Variants in CNTRL observed in about 807,000 individuals in gnomAD.
CNTRL encodes centriolin.
Under a neutral mutation model 303.7 loss-of-function variants are expected in CNTRL, and 233 were observed. The observed-to-expected ratio is 0.77, with a 90% CI of 0.69 to 0.86. The LOEUF is 0.86. Among genes scored for constraint, CNTRL ranks in the 40% least tolerant of loss-of-function variants. The pLI is 0.00. For missense variants in CNTRL, 2,524 were observed against 2,650.6 expected, an observed-to-expected ratio of 0.95 and a Z score of 1.05; for synonymous variants, 900 against 922.2, an observed-to-expected ratio of 0.98 and a Z score of 0.44.
At chr9:121,138,750 A>G in intron 16 of CNTRL, 71 bp downstream of exon 16, 1 of 1,527,264 alleles carries the variant, frequency 6.5e-7, no homozygotes, top group Admixed American at 1.8e-5. Context: ...TTAGTCAGGC[A>G]CTTAGCAACC....
At position 121,112,514 on chromosome 9, in the gene CNTRL, A is replaced by G. The variant is rs1806406583; in HGVS notation, c.1058A>G (p.Glu353Gly). 17 of 1,612,904 alleles carry G rather than the reference A, an allele frequency of 1.1e-5. No homozygotes were observed. The highest frequency in any genetic ancestry group is 1.4e-5 in the Non-Finnish European group (17 of 1,179,052). ...TRACQKQYEL[E>G]QELAFYKIDA... ...GCATGTCAGAAGCAATATGAGCTGG[A>G]ACAGGAATTGGCCTTTTATAAAATT... The change falls in exon 9 of 44, where the codon GAA becomes GGA. Residue 353 changes from glutamate (E) to glycine (G), a missense_variant. Glu to Gly is a moderately conservative substitution (Grantham distance 98). Coordinates refer to ENST00000373855, the MANE Select transcript of CNTRL (RefSeq NM_007018.6).
In CNTRL at chr9:121,144,013, C is replaced by A. The variant is rs768797672; in HGVS notation, c.2982C>A (p.Leu994=). The part of the protein sequence containing the change: ...ATSDKLATAE[L]TIAKDQLKSL... ...CTGATAAGCTAGCCACAGCTGAGCT[C>A]ACCATTGCCAAAGACCAGCTGAAGT... is the stretch of plus-strand genomic sequence containing the variant. The change falls in exon 20 of 44, where the codon CTC becomes CTA. Residue 994 remains leucine, a synonymous_variant. Transcript: ENST00000373855. 2 of 1,613,874 alleles carry A rather than the reference C, an allele frequency of 1.2e-6. No individual in the cohort carries two copies. Among genetic ancestry groups the A allele is most frequent in the Admixed American group, 3.3e-5 (2 of 59,986 alleles).
intron 16 of CNTRL, among the ~76,000 whole-genome samples, chr9:121,139,641 T>A (rs1417160941): frequency 6.6e-6 from 1 of 152,226 alleles, no homozygotes; most frequent in Non-Finnish European, 1.5e-5. Flanking sequence ...GGGTCTTACT[T>A]GAGTTATCAT....
intron 7 of CNTRL, among the ~76,000 whole-genome samples, chr9:121,101,580 A>G (rs1336634792): frequency 6.6e-6 from 1 of 152,246 alleles, no homozygotes; most frequent in Non-Finnish European, 1.5e-5. Context: ...TAGAGCCACA[A>G]AAAACCCTTC....
intron 23 of CNTRL, among the ~76,000 whole-genome samples, chr9:121,146,602 A>G (rs779456623): frequency 3.9e-5 from 6 of 152,212 alleles, no homozygotes; most frequent in Non-Finnish European, 7.3e-5. Context: ...CTTTTAACGA[A>G]CATTCATTCA....
intron 1 of CNTRL, among the ~76,000 whole-genome samples, chr9:121,079,973 T>C (rs572300516): frequency 6.6e-6 from 1 of 152,256 alleles, no homozygotes; most frequent in African/African-American, 2.4e-5. Context: ...AAGTGATTTT[T>C]GTTCCTCAAC....
In CNTRL at chr9:121,096,429, G is replaced by A. The variant is rs776657382; in HGVS notation, c.487G>A (p.Glu163Lys). 1.2e-5 allele frequency: 19 copies of A among 1,523,588 alleles called. No homozygotes were observed. The highest frequency in any genetic ancestry group is 1.7e-5 in the Non-Finnish European group (19 of 1,131,846). 94.4% of individuals were successfully genotyped at this position (1,523,588 alleles called of 1,614,324 possible). Residue 163 changes from glutamate (E) to lysine (K), a missense_variant, in exon 6 of 44, where the codon GAA (glutamate) becomes AAA (lysine). Glu to Lys is a moderately conservative substitution (Grantham distance 56). Coordinates refer to ENST00000373855, the MANE Select transcript of CNTRL (RefSeq NM_007018.6). ...TTATCCTTTGCTTTCCAGCAAAATT[G>A]AAGGCATAGAAAATATGTGTAATCT... is the stretch of plus-strand genomic sequence containing the variant. ...NLSYNKISKI[E>K]GIENMCNLQK...
chr9:121,095,622 G>T (rs2048856469), intron 5 of CNTRL, among the ~76,000 whole-genome samples: 1 of 151,936 alleles, frequency 6.6e-6, no homozygotes, highest in African/African-American at 2.4e-5. Context: ...AAATATGATG[G>T]CCAAGAAAAT....
chr9:121,160,180 AAGG>A lies in CNTRL; in HGVS notation c.4970_4972del (p.Gly1657del). 1 of 1,531,270 alleles carries A rather than the reference AAGG, an allele frequency of 6.5e-7. No homozygotes were observed. Among genetic ancestry groups the A allele is most frequent in the Non-Finnish European group, 8.7e-7 (1 of 1,146,858 alleles). The allele number at this position is 1,531,270 out of a possible 1,614,324, so 94.9% of individuals were successfully genotyped here. On this transcript the variant is annotated inframe_deletion, in exon 32 of 44. Coordinates refer to ENST00000373855, the MANE Select transcript of CNTRL (RefSeq NM_007018.6). ...CTTCTGGAAGAACTGAGTTTTCAGA[AAGG>A]AGAACTAAATGTTCAGATTAGTGAA...
Position 121,123,961 on chromosome 9 carries a change from GAAC to G in CNTRL, c.1686_1688del (p.Gln563del). 6.2e-7 allele frequency: 1 copy of G among 1,608,216 alleles called. No homozygotes were observed. The highest frequency in any genetic ancestry group is 8.5e-7 in the Non-Finnish European group (1 of 1,177,834). ...TATGAAGGCTCAAAAGAGCGGTAAA[GAAC>G]AACAGCTTGACATTATGAACAAGCA... On this transcript the variant is annotated inframe_deletion, in exon 13 of 44. Transcript: ENST00000373855.
At position 121,121,851 on chromosome 9, in the gene CNTRL, G is replaced by A. The variant is rs572873844; in HGVS notation, c.1651-2080G>A. ...CTTGCAAAAATGTGGCTGTCAGAGAGGGAAGTGCACATGAATTTGAAGACA... is the reference window on the plus strand; with the variant it reads ...CTTGCAAAAATGTGGCTGTCAGAGAAGGAAGTGCACATGAATTTGAAGACA... On this transcript the variant is annotated intron_variant, in intron 12 of 43. Transcript: ENST00000373855. 8.1e-6 allele frequency: 8 copies of A among 985,374 alleles called. No individual in the cohort carries two copies. In the East Asian group the frequency reaches 7.9e-4, roughly 98 times the overall value. The allele number at this position is 985,374 out of a possible 1,614,324, so 61.0% of individuals were successfully genotyped here.
Position 121,140,640 on chromosome 9 carries a change from G to A in CNTRL, c.2338-1G>A, listed in dbSNP as rs764499216. ...AATCCCTATTTCATCCCCCTCCATA[G>A]GATGACAATAATCTGTTAAAACAGC... On this transcript the variant is annotated splice_acceptor_variant, in intron 16 of 43. Coordinates refer to ENST00000373855, the MANE Select transcript of CNTRL (RefSeq NM_007018.6). LOFTEE classifies it high-confidence loss of function. 9 of 1,604,962 alleles carry A rather than the reference G, an allele frequency of 5.6e-6. No individual in the cohort carries two copies. The highest frequency in any genetic ancestry group is 7.7e-6 in the Non-Finnish European group (9 of 1,174,668).
intron 37 of CNTRL, 117 bp from the exon 38 acceptor site, chr9:121,167,979 T>C: frequency 1.1e-6 from 1 of 874,912 alleles, no homozygotes; most frequent in Non-Finnish European, 1.7e-6. Context: ...TGTAATGGAA[T>C]TGTCCCTGTG....
chr9:121,111,333 T>A (rs2049738168), intron 8 of CNTRL: 1 of 152,176 alleles, frequency 6.6e-6, no homozygotes, highest in Admixed American at 6.5e-5. Context: ...TTGTGAAGAT[T>A]TAGTGCAATA....
intron 28 of CNTRL, 26 bp downstream of exon 28, chr9:121,157,626 T>A: frequency 6.2e-7 from 1 of 1,610,262 alleles, no homozygotes; most frequent in Non-Finnish European, 8.5e-7. Context: ...AAGCCGTTGA[T>A]GTATACATTG....
At position 121,139,127 on chromosome 9, in the gene CNTRL, C is replaced by T. The variant is rs149708702; in HGVS notation, c.2337+448C>T. ...TAAATAGTTTTCACTACCCTCTTCTCGGAAAGGATGCTATTAAAAATGTCA... is the reference window on the plus strand; with the variant it reads ...TAAATAGTTTTCACTACCCTCTTCTTGGAAAGGATGCTATTAAAAATGTCA... On this transcript the variant is annotated intron_variant, in intron 16 of 43. Coordinates refer to ENST00000373855, the MANE Select transcript of CNTRL (RefSeq NM_007018.6). 2.4e-4 allele frequency among the ~76,000 whole-genome samples: 36 copies of T among 152,180 alleles called. No individual in the cohort carries two copies. The East Asian group carries it at 2.9e-3, about 12-fold the overall frequency.
At chr9:121,087,589 G>A (rs1310875031) in intron 2 of CNTRL, among the ~76,000 whole-genome samples, 1 of 152,096 alleles carries the variant, frequency 6.6e-6, no homozygotes, top group Non-Finnish European at 1.5e-5. Flanking sequence ...TGCTCGGGAG[G>A]TCGAGGCAGA....
At chr9:121,142,938 C>T in intron 19 of CNTRL, among the ~76,000 whole-genome samples, 1 of 151,890 alleles carries the variant, frequency 6.6e-6, no homozygotes, top group East Asian at 1.9e-4. Flanking sequence ...CAAATATCCT[C>T]AAGTTCCTTG....
At chr9:121,128,389 T>C (rs1378664385) in intron 14 of CNTRL, among the ~76,000 whole-genome samples, 1 of 152,262 alleles carries the variant, frequency 6.6e-6, no homozygotes, top group Non-Finnish European at 1.5e-5. Flanking sequence ...ATTTCTCTGA[T>C]GGCCAGTGAT....
Sources: gnomAD v4.1 joint callset for allele counts (sites outside exome capture counted in the v4.1 genomes callset) on GRCh38, gnomAD v4.1.1 for gene constraint, MANE v1.5 for transcripts, NCBI Gene and HGNC (gene_info 2026-07-23, HGNC 2026-07-21) for gene names.